Variants in FAM89A observed in about 807,000 individuals in gnomAD.
FAM89A encodes family with sequence similarity 89 member A.
FAM89A carries 10 observed loss-of-function variants against 7.1 expected under a neutral mutation model. That is an observed-to-expected ratio of 1.40 (90% CI 0.86 to 2.38). The LOEUF (loss-of-function observed/expected upper bound fraction) is 2.38, where lower values mean the gene tolerates loss of function less well. Among genes scored for constraint, FAM89A ranks in the 30% most tolerant of loss-of-function variants. The probability of loss-of-function intolerance (pLI) is 0.00; values close to 1 mark genes in which losing one functional copy is unlikely to be tolerated. For missense variants in FAM89A, 276 were observed against 262.8 expected (o/e 1.05, Z -0.35); for synonymous variants, 157 against 129.3 (o/e 1.21, Z -1.45).
In FAM89A at chr1:231,027,245, G is replaced by A. The variant is rs191207301; in HGVS notation, c.292-7119C>T. On this transcript the variant is annotated intron_variant, in intron 1 of 1. Transcript: ENST00000366654. ...ACCGAGGTGATGCACCCGGCAGGGA[G>A]TCGAAAGCAAAGAGGATCTCTCCCT... 3.9e-5 allele frequency among the ~76,000 whole-genome samples: 6 copies of A among 152,242 alleles called. No homozygotes were observed. In the East Asian group the frequency reaches 9.7e-4, roughly 25 times the overall value.
intron 1 of FAM89A, chr1:231,021,944 A>G (rs1462089363): frequency 1.4e-6 from 2 of 1,431,270 alleles, no homozygotes; most frequent in Non-Finnish European, 2.0e-6. Flanking sequence ...GACTACCCAC[A>G]CTTCCAGAAA....
intron 1 of FAM89A, chr1:231,026,005 G>A (rs544461312): frequency 6.6e-6 from 1 of 152,656 alleles, no homozygotes; most frequent in South Asian, 2.1e-4. Context: ...CTACCTCCCT[G>A]CCTGGGTTCA....
intron 1 of FAM89A, chr1:231,021,748 T>A: frequency 6.2e-7 from 1 of 1,602,162 alleles, no homozygotes. Context: ...GAGATGAAAT[T>A]GTTGACCTCA....
chr1:231,019,950 G>T lies in FAM89A; in HGVS notation c.468C>A (p.His156Gln), dbSNP rs141662238. 1.2e-6 allele frequency: 2 copies of T among 1,614,054 alleles called. No homozygotes were observed. Among genetic ancestry groups the T allele is most frequent in the African/African-American group, 2.7e-5 (2 of 74,914 alleles). Residue 156 changes from histidine (H) to glutamine (Q), a missense_variant, in exon 2 of 2, where the codon CAC becomes CAA. Physicochemically the swap from His to Gln is conservative, Grantham distance 24 (BLOSUM62 0). Transcript: ENST00000366654. ...EEYFQEQNSL[H>Q]DRRDRGPPRD... The stretch of plus-strand genomic sequence containing the variant: ...GAGGAGGGCCTCGGTCCCTCCTGTC[G>T]TGCAGGGAGTTCTGCTCCTGGAAAT...
chr1:231,021,471 A>G, intron 1 of FAM89A: 2 of 610,666 alleles, frequency 3.3e-6, no homozygotes, highest in Non-Finnish European at 2.9e-6. Flanking sequence ...AATACTGGAA[A>G]TCTGTCCCGA....
At chr1:231,027,623 C>T (rs892773389) in intron 1 of FAM89A, among the ~76,000 whole-genome samples, 3 of 152,210 alleles carry the variant, frequency 2.0e-5, no homozygotes, top group African/African-American at 7.2e-5. Context: ...GGCCCCTCTT[C>T]CTCAGCTGTG....
intron 1 of FAM89A, among the ~76,000 whole-genome samples, chr1:231,037,286 A>G (rs935224181): frequency 6.6e-6 from 1 of 152,232 alleles, no homozygotes; most frequent in Non-Finnish European, 1.5e-5. Context: ...CTTACATTGC[A>G]CCTAACAGAA....
intron 1 of FAM89A, among the ~76,000 whole-genome samples, chr1:231,039,428 G>A (rs1312750127): frequency 6.6e-6 from 1 of 152,240 alleles, no homozygotes; most frequent in Non-Finnish European, 1.5e-5. Context: ...CGCGCGGCCT[G>A]GGGCGCCGGA....
At chr1:231,037,789 G>A (rs74143535) in intron 1 of FAM89A, among the ~76,000 whole-genome samples, 77 of 151,988 alleles carry the variant, frequency 5.1e-4, no homozygotes, top group African/African-American at 1.6e-3. Context: ...AAATTCTGTC[G>A]CCTTCTGAGG....
chr1:231,037,343 T>C (rs1680173499), intron 1 of FAM89A, among the ~76,000 whole-genome samples: 1 of 152,234 alleles, frequency 6.6e-6, no homozygotes, highest in Non-Finnish European at 1.5e-5. Context: ...GCTGGCACTG[T>C]AATTTTTAAT....
At chr1:231,039,849 G>A in intron 1 of FAM89A, 72 bp downstream of exon 1, 3 of 1,257,312 alleles carry the variant, frequency 2.4e-6, no homozygotes, top group South Asian at 2.6e-5. Context: ...CGGACAGAGC[G>A]CGGTCCCCGC....
chr1:231,038,413 C>T (rs955515495), intron 1 of FAM89A, among the ~76,000 whole-genome samples: 1 of 152,144 alleles, frequency 6.6e-6, no homozygotes, highest in Non-Finnish European at 1.5e-5. Flanking sequence ...GGAGCGGCCC[C>T]GAGGTTTTTC....
chr1:231,020,266 T>G (rs367751280), intron 1 of FAM89A, 140 bp from the exon 2 acceptor site: 1 of 921,542 alleles, frequency 1.1e-6, no homozygotes, highest in Non-Finnish European at 1.6e-6. Flanking sequence ...CTCGGATGCT[T>G]TGGATTTCCA....
chr1:231,039,683 G>T (rs1680222777), intron 1 of FAM89A, among the ~76,000 whole-genome samples: 1 of 152,154 alleles, frequency 6.6e-6, no homozygotes, highest in Admixed American at 6.5e-5. Context: ...GACTGAGGGC[G>T]CCGGGCATAA....
At position 231,037,811 on chromosome 1, in the gene FAM89A, A is replaced by T. The variant is rs186153303; in HGVS notation, c.291+2110T>A. Among the ~76,000 whole-genome samples the T allele has an allele frequency of 2.6e-5, 4 of 151,790 alleles. No individual in the cohort carries two copies. The East Asian group carries it at 7.8e-4, about 30-fold the overall frequency. ...GTCGCCTTCTGAGGTCTTCCACACC[A>T]CCCTGCTCCCTGTCCCTATTAGAAG... On this transcript the variant is annotated intron_variant, in intron 1 of 1. Coordinates refer to ENST00000366654, the MANE Select transcript of FAM89A (RefSeq NM_198552.3).
intron 1 of FAM89A, among the ~76,000 whole-genome samples, chr1:231,024,594 T>C (rs1441116106): frequency 2.0e-5 from 3 of 150,084 alleles, no homozygotes; most frequent in East Asian, 2.0e-4. Flanking sequence ...AGGAGTGTGG[T>C]GGTATGATCA....
chr1:231,019,647 CTCTAGGTCACCTAAGCA>C lies in FAM89A; in HGVS notation c.*199_*215del, dbSNP rs987810973. 29 of 572,832 alleles carry C rather than the reference CTCTAGGTCACCTAAGCA, an allele frequency of 5.1e-5. No individual in the cohort carries two copies. 35.5% of individuals were successfully genotyped at this position (572,832 alleles called of 1,614,324 possible). On this transcript the variant is annotated 3_prime_UTR_variant, in exon 2 of 2. Transcript: ENST00000366654. ...AGGTGTGGAGGATACTGCTGAGGAC[CTCTAGGTCACCTAAGCA>C]GAAACTGCTGCCATCAAAGCAGACT... is the stretch of plus-strand genomic sequence containing the variant.
intron 1 of FAM89A, among the ~76,000 whole-genome samples, chr1:231,034,353 A>C (rs1292265879): frequency 6.6e-6 from 1 of 152,232 alleles, no homozygotes; most frequent in Non-Finnish European, 1.5e-5. Context: ...CATTTTCCCA[A>C]TAAGAGATTT....
intron 1 of FAM89A, among the ~76,000 whole-genome samples, chr1:231,034,952 A>C (rs558714262): frequency 2.2e-4 from 33 of 152,234 alleles, no homozygotes; most frequent in African/African-American, 7.7e-4. Flanking sequence ...GTGAAAACAG[A>C]CAGTATTAAA....
Sources: allele counts gnomAD v4.1 joint callset (sites outside exome capture counted in the v4.1 genomes callset), GRCh38; gene constraint gnomAD v4.1.1; transcripts MANE v1.5; gene names NCBI Gene and HGNC (gene_info 2026-07-23, HGNC 2026-07-21).